The following KIF11 variants were observed in gnomAD, a reference collection of about 807,000 sequenced individuals.
The protein encoded by KIF11 is kinesin family member 11.
Under a neutral mutation model 121.0 loss-of-function variants are expected in KIF11, and 9 were observed. That is an observed-to-expected ratio of 0.07 (90% confidence interval 0.04 to 0.13). The LOEUF is 0.13. KIF11 is among the 10% of genes least tolerant of loss of function. The pLI, the probability that KIF11 is intolerant of heterozygous loss-of-function variation, is 1.00. For synonymous variants in KIF11, 408 were observed against 421.0 expected (o/e 0.97, Z 0.38); for missense variants, 846 against 1,217.5 (o/e 0.69, Z 4.54).
intron 14 of KIF11, 68 bp from the exon 15 acceptor site, chr10:92,637,116 C>A: frequency 8.6e-7 from 1 of 1,167,250 alleles, no homozygotes; most frequent in Non-Finnish European, 1.2e-6. Context: ...TTTAAGATAT[C>A]ATTTAGAAAG....
At chr10:92,607,314 T>G in intron 4 of KIF11, 77 bp downstream of exon 4, 19 of 769,750 alleles carry the variant, frequency 2.5e-5, no homozygotes, top group Non-Finnish European at 3.7e-5. Flanking sequence ...TGAGGGCCTC[T>G]GTCTTGGAAT....
At chr10:92,598,665 A>G (rs959474018) in intron 1 of KIF11, among the ~76,000 whole-genome samples, 30 of 152,230 alleles carry the variant, frequency 2.0e-4, no homozygotes, top group African/African-American at 6.8e-4. Flanking sequence ...CATTGAATCT[A>G]TAGATCACTT....
chr10:92,597,081 C>T (rs1844304842), intron 1 of KIF11: 2 of 369,286 alleles, frequency 5.4e-6, no homozygotes, highest in African/African-American at 2.1e-5. Flanking sequence ...TCTTGATTCA[C>T]ACTCCTGCAT....
At chr10:92,636,415 G>A (rs186619041) in intron 14 of KIF11, among the ~76,000 whole-genome samples, 169 of 150,484 alleles carry the variant, frequency 1.1e-3, no homozygotes, top group East Asian at 5.3e-3. Context: ...TCAGGAGTTC[G>A]AGACCAGCCT....
Position 92,651,507 on chromosome 10 carries a change from G to GTATT in KIF11, c.3039+991_3039+992insATTT, listed in dbSNP as rs1554863366. Among the ~76,000 whole-genome samples the GTATT allele has an allele frequency of 1.9e-3, 98 of 52,970 alleles. 14 individuals are homozygous for GTATT. Among genetic ancestry groups the GTATT allele is most frequent in the Admixed American group, 4.1e-3 (16 of 3,942 alleles). 34.8% of individuals were successfully genotyped at this position (52,970 alleles called of 152,430 possible). On this transcript the variant is annotated intron_variant, in intron 21 of 21. Transcript: ENST00000260731. ...TGTGCCACCATGCCTGGCTAATTTT[G>GTATT]TTTTTTTTTTTTTTTTTTTTTTTTT...
At position 92,609,524 on chromosome 10, in the gene KIF11, G is replaced by T; in HGVS notation, c.698+15G>T. On this transcript the variant is annotated intron_variant, in intron 6 of 21. Coordinates refer to ENST00000260731, the MANE Select transcript of KIF11 (RefSeq NM_004523.4). Reference sequence around the variant, plus strand: ...GCATACTCTAGGTAAGAAAGCCATAGTCTCTTCCCTAGCCCCATTTTCTTT... The same window carrying T: ...GCATACTCTAGGTAAGAAAGCCATATTCTCTTCCCTAGCCCCATTTTCTTT... 6.3e-7 allele frequency: 1 copy of T among 1,596,120 alleles called. No individual in the cohort carries two copies. Among genetic ancestry groups the T allele is most frequent in the Non-Finnish European group, 8.5e-7 (1 of 1,174,438 alleles).
At chr10:92,610,551 T>C (rs1389044847) in intron 6 of KIF11, among the ~76,000 whole-genome samples, 1 of 152,168 alleles carries the variant, frequency 6.6e-6, no homozygotes, top group Non-Finnish European at 1.5e-5. Context: ...TGTGTGTGTG[T>C]GTGGTCTTTA....
chr10:92,625,937 CA>C (rs1323172650), intron 10 of KIF11, among the ~76,000 whole-genome samples: 1 of 152,124 alleles, frequency 6.6e-6, no homozygotes, highest in East Asian at 1.9e-4. Context: ...TTGACACTAA[CA>C]AATGGAAAAA....
chr10:92,623,812 T>C (rs1411863615), intron 10 of KIF11, among the ~76,000 whole-genome samples: 1 of 152,202 alleles, frequency 6.6e-6, no homozygotes. Context: ...TCTTTCTGAT[T>C]TTATTTTTGA....
intron 17 of KIF11, among the ~76,000 whole-genome samples, chr10:92,644,464 C>A (rs1844898728): frequency 6.6e-6 from 1 of 152,054 alleles, no homozygotes; most frequent in Non-Finnish European, 1.5e-5. Flanking sequence ...ATTACAGGCA[C>A]CCACCACCAC....
Position 92,650,362 on chromosome 10 carries a change from G to C in KIF11, c.2923-39G>C, listed in dbSNP as rs1400287860. The C allele has an allele frequency of 2.6e-6, 3 of 1,161,140 alleles. No homozygotes were observed. In the African/African-American group the frequency reaches 4.6e-5, roughly 18 times the overall value. 71.9% of individuals were successfully genotyped at this position (1,161,140 alleles called of 1,614,324 possible). On this transcript the variant is annotated intron_variant, in intron 20 of 21. Transcript: ENST00000260731. ...CTGTTACTCTTGTGATGACTTTTAA[G>C]CCCTTGGACTTAGTCACTCATCCAG...
intron 17 of KIF11, among the ~76,000 whole-genome samples, chr10:92,643,801 C>T (rs912141539): frequency 2.6e-5 from 4 of 151,914 alleles, no homozygotes; most frequent in Non-Finnish European, 4.4e-5. Context: ...TGTGATTGCC[C>T]GCCTCAGAAA....
chr10:92,649,721 C>T, intron 19 of KIF11, 114 bp from the exon 20 acceptor site: 1 of 668,396 alleles, frequency 1.5e-6, no homozygotes, highest in Non-Finnish European at 2.5e-6. Flanking sequence ...TCATATATGG[C>T]AATTATATTT....
chr10:92,637,053 A>AT, intron 14 of KIF11, 131 bp from the exon 15 acceptor site: 4 of 659,198 alleles, frequency 6.1e-6, no homozygotes, highest in Non-Finnish European at 9.3e-6. Context: ...AAAAAAAAAA[A>AT]GAATGGAGAA....
At chr10:92,630,482 A>G (rs1418548948) in intron 12 of KIF11, 118 bp downstream of exon 12, 3 of 523,204 alleles carry the variant, frequency 5.7e-6, no homozygotes, top group Admixed American at 8.1e-5. Flanking sequence ...CTGTCCATTT[A>G]AAAAACATTA....
In KIF11 at chr10:92,644,672, C is replaced by G. The variant is rs1393791667; in HGVS notation, c.2268-691C>G. 2.6e-5 allele frequency among the ~76,000 whole-genome samples: 4 copies of G among 152,044 alleles called. No homozygotes were observed. The East Asian group carries it at 7.7e-4, about 29-fold the overall frequency. On this transcript the variant is annotated intron_variant, in intron 17 of 21. Coordinates refer to ENST00000260731, the MANE Select transcript of KIF11 (RefSeq NM_004523.4). ...GTAGGTTTGGTTTTTAACATCTTTG[C>G]TGACTCACTTGGTTTACCCACGTGG... is the stretch of plus-strand genomic sequence containing the variant.
intron 6 of KIF11, among the ~76,000 whole-genome samples, chr10:92,612,240 A>T (rs2135904456): frequency 6.6e-6 from 1 of 151,962 alleles, no homozygotes; most frequent in African/African-American, 2.4e-5. Context: ...GGCTAAAGTG[A>T]TCCTCCCACC....
Position 92,654,405 on chromosome 10 carries a change from C to T in KIF11, c.*609C>T, listed in dbSNP as rs913524479. The T allele has an allele frequency of 6.6e-6, 1 of 152,156 alleles. No homozygotes were observed. The allele number at this position is 152,156 out of a possible 1,614,324, so 9.4% of individuals were successfully genotyped here. A position where few individuals can be genotyped will look rare whatever the true frequency, so the allele number is the denominator to read the frequency against. On this transcript the variant is annotated 3_prime_UTR_variant, in exon 22 of 22. Coordinates refer to ENST00000260731, the MANE Select transcript of KIF11 (RefSeq NM_004523.4). The stretch of plus-strand genomic sequence containing the variant: ...GTAATGAATATATAAGAACTGTACT[C>T]TTCTCAGCTTGAGCTTACATAGGTA...
intron 4 of KIF11, among the ~76,000 whole-genome samples, chr10:92,608,068 A>G (rs1844448751): frequency 8.8e-6 from 1 of 113,164 alleles, no homozygotes. Flanking sequence ...CTCTGTCTCA[A>G]AAAAAAACAA....
Sources: allele counts gnomAD v4.1 joint callset (sites outside exome capture counted in the v4.1 genomes callset), GRCh38; gene constraint gnomAD v4.1.1; transcripts MANE v1.5; gene names NCBI Gene and HGNC (gene_info 2026-07-23, HGNC 2026-07-21).